The following EEF1A2 variants were observed in gnomAD, a reference collection of about 807,000 sequenced individuals.
The protein encoded by EEF1A2 is elongation factor 1-alpha 2.
Under a neutral mutation model 39.3 loss-of-function variants are expected in EEF1A2, and 5 were observed. The observed-to-expected ratio is 0.13, with a 90% CI of 0.07 to 0.27. The LOEUF is 0.27. Ranked by LOEUF, EEF1A2 falls within the 10% of genes least tolerant of loss-of-function variation. The pLI, the probability that EEF1A2 is intolerant of heterozygous loss-of-function variation, is 1.00. For synonymous variants in EEF1A2, 287 were observed against 293.7 expected, an observed-to-expected ratio of 0.98 and a Z score of 0.23; for missense variants, 218 against 681.4, an observed-to-expected ratio of 0.32 and a Z score of 7.57.
chr20:63,488,542 C>T, intron 7 of EEF1A2, 117 bp from the exon 8 acceptor site: 2 of 1,280,564 alleles, frequency 1.6e-6, no homozygotes, highest in South Asian at 1.8e-5. Flanking sequence ...ACACGCTTAG[C>T]GCAGAGCGCG....
At chr20:63,491,459 C>T (rs961591236) in intron 5 of EEF1A2, among the ~76,000 whole-genome samples, 6 of 152,248 alleles carry the variant, frequency 3.9e-5, no homozygotes, top group African/African-American at 1.4e-4. Flanking sequence ...GCCAACTTCA[C>T]TGAGGCCAGT....
At chr20:63,495,297 G>C (rs549497043) in intron 3 of EEF1A2, among the ~76,000 whole-genome samples, 196 bp from the exon 4 acceptor site, 1 of 152,370 alleles carries the variant, frequency 6.6e-6, no homozygotes, top group South Asian at 2.1e-4. Flanking sequence ...CCCTGGGTCA[G>C]GGGACCGAGG....
intron 6 of EEF1A2, 44 bp downstream of exon 6, chr20:63,490,435 T>C: frequency 1.3e-6 from 2 of 1,581,946 alleles, no homozygotes; most frequent in Non-Finnish European, 1.7e-6. Flanking sequence ...GTCCTGCTGC[T>C]GTCCAGCAGG....
chr20:63,494,967 G>A lies in EEF1A2; in HGVS notation c.459C>T (p.Asn153=), dbSNP rs761190222. The A allele has an allele frequency of 6.8e-6, 11 of 1,612,700 alleles. No homozygotes were observed. In the Admixed American group the frequency reaches 1.0e-4, roughly 15 times the overall value. ...AGGCCGGCTCTGTGGAGTCCATTTT[G>A]TTCACGCCCACGATGAGCTGCTTCA... ...LGVKQLIVGV[N]KMDSTEPAYS... Residue 153 remains asparagine (N), a synonymous_variant, in exon 4 of 8, where the codon AAC becomes AAT. Coordinates refer to ENST00000217182, the MANE Select transcript of EEF1A2 (RefSeq NM_001958.5).
intron 5 of EEF1A2, among the ~76,000 whole-genome samples, chr20:63,492,448 GGATGGATGGATGGATGGATGGAGA>G (rs2082390632): frequency 2.1e-5 from 1 of 48,118 alleles, no homozygotes; most frequent in East Asian, 4.9e-4. Flanking sequence ...TTGAGACAAT[GGATGGATGGATGGATGGATGGAGA>G]GATGGATGGA....
rs976170418 is a variant in EEF1A2 at position 63,498,085 on chromosome 20, C to T, written c.-71-251G>A. The T allele has an allele frequency of 3.2e-5, 8 of 246,210 alleles. No individual in the cohort carries two copies. Among genetic ancestry groups the T allele is most frequent in the Non-Finnish European group, 5.5e-5 (7 of 127,710 alleles). 15.3% of individuals were successfully genotyped at this position (246,210 alleles called of 1,614,324 possible). ...GTAAATAACTGGGCGTTGGAGCCCG[C>T]GGGCTGCTCCTTGGGAAGGGGTTAG... On this transcript the variant is annotated intron_variant, in intron 1 of 7. Transcript: ENST00000217182. The surrounding 1 kb of genome is among the most constrained non-coding windows in gnomAD (Gnocchi z 4.1).
intron 3 of EEF1A2, 96 bp from the exon 4 acceptor site, chr20:63,495,197 C>G (rs1030218187): frequency 8.3e-5 from 125 of 1,508,630 alleles, no homozygotes; most frequent in Non-Finnish European, 1.1e-4. Context: ...CTCCAGGCAG[C>G]GGGCTGGGGC....
chr20:63,497,442 G>T lies in EEF1A2; in HGVS notation c.144+178C>A. On this transcript the variant is annotated intron_variant, in intron 2 of 7. Coordinates refer to ENST00000217182, the MANE Select transcript of EEF1A2 (RefSeq NM_001958.5). This position sits in a 1 kb window ranked among gnomAD's most constrained non-coding sequence, Gnocchi z 7.3. ...CCCTCCCCCACCAAGCTCCCCCTAA[G>T]AGAGAGGCTGCCCCACCAGACCCTC... The T allele has an allele frequency of 1.0e-6, 1 of 993,958 alleles. No homozygotes were observed. Among genetic ancestry groups the T allele is most frequent in the Non-Finnish European group, 1.4e-6 (1 of 706,492 alleles). The allele number at this position is 993,958 out of a possible 1,614,324, so 61.6% of individuals were successfully genotyped here.
chr20:63,492,035 ATGGATGATGGAGGGAAGGATGG>A, intron 5 of EEF1A2, among the ~76,000 whole-genome samples: 1 of 102,786 alleles, frequency 9.7e-6, no homozygotes, highest in Non-Finnish European at 1.9e-5. Context: ...AGATGGATGG[ATGGATGATGGAGGGAAGGATGG>A]CTGGGTGGGG....
chr20:63,494,689 A>AC (rs1300209327), intron 4 of EEF1A2, 116 bp downstream of exon 4: 2 of 1,369,160 alleles, frequency 1.5e-6, no homozygotes, highest in Non-Finnish European at 1.9e-6. Context: ...TTCGAGGGGA[A>AC]CCTGCATTTC....
rs1438872980 is a variant in EEF1A2 at position 63,497,427 on chromosome 20, C to G, written c.144+193G>C. 2.4e-6 allele frequency: 2 copies of G among 824,836 alleles called. No homozygotes were observed. The highest frequency in any genetic ancestry group is 3.5e-6 in the Non-Finnish European group (2 of 574,858). 51.1% of individuals were successfully genotyped at this position (824,836 alleles called of 1,614,324 possible). A position where few individuals can be genotyped will look rare whatever the true frequency, so the allele number is the denominator to read the frequency against. ...CAGCTCGATGGCCACCCCTCCCCCA[C>G]CAAGCTCCCCCTAAGAGAGAGGCTG... On this transcript the variant is annotated intron_variant, in intron 2 of 7. Coordinates refer to ENST00000217182, the MANE Select transcript of EEF1A2 (RefSeq NM_001958.5). The surrounding 1 kb of genome is among the most constrained non-coding windows in gnomAD (Gnocchi z 7.3).
chr20:63,490,016 TCCCCTCGTTGAGTGCTCGGTGGC>T (rs201797175), intron 6 of EEF1A2: 5,721 of 164,884 alleles, frequency 0.035, 142 homozygotes, highest in Non-Finnish European at 0.049. Flanking sequence ...AACTGATTGA[TCCCCTCGTTGAGTGCTCGGTGGC>T]CCCCTCGGTG....
chr20:63,493,037 G>T, intron 5 of EEF1A2, 100 bp downstream of exon 5: 2 of 1,434,786 alleles, frequency 1.4e-6, no homozygotes, highest in Non-Finnish European at 9.3e-7. Flanking sequence ...TAAGGGGAGA[G>T]ATTGGAGACA....
chr20:63,492,876 GGATGGATC>G (rs2082397156), intron 5 of EEF1A2, among the ~76,000 whole-genome samples: 2 of 150,188 alleles, frequency 1.3e-5, no homozygotes, highest in Non-Finnish European at 3.0e-5. Context: ...GTGGGGAGAT[GGATGGATC>G]GATGGATGGA....
rs1184871645 is a variant in EEF1A2, at chr20:63,494,806, T to C, written c.620A>G (p.Asn207Ser). Residue 207 changes from asparagine (N) to serine (S), a missense_variant and splice_region_variant, in exon 4 of 8, where the codon AAC becomes AGC. Coordinates refer to ENST00000217182, the MANE Select transcript of EEF1A2 (RefSeq NM_001958.5). ...HGDNMLEPSP[N>S]MPWFKGWKVE... is the part of the protein sequence containing the mutation. Reference sequence around the variant, plus strand: ...CGCCCCGCCCTAGCCGCCACTCACGTTGGGGGAGGGCTCCAGCATGTTGTC... The same window carrying C: ...CGCCCCGCCCTAGCCGCCACTCACGCTGGGGGAGGGCTCCAGCATGTTGTC... The C allele has an allele frequency of 1.9e-6, 3 of 1,607,956 alleles. No individual in the cohort carries two copies. Among genetic ancestry groups the C allele is most frequent in the Admixed American group, 1.7e-5 (1 of 59,920 alleles).
Position 63,494,809 on chromosome 20 carries a change from G to A in EEF1A2, c.617C>T (p.Pro206Leu), listed in dbSNP as rs1478312220. Residue 206 changes from proline (P) to leucine (L), a missense_variant, in exon 4 of 8, where the codon CCC becomes CTC. Pro to Leu is a moderately conservative substitution (Grantham distance 98). This residue lies in a region of EEF1A2 where 79 missense variants were observed against 172.3 expected (regional missense o/e 0.46). Transcript: ENST00000217182. ...CCCGCCCTAGCCGCCACTCACGTTG[G>A]GGGAGGGCTCCAGCATGTTGTCACC... The part of the protein sequence containing the change: ...WHGDNMLEPS[P>L]NMPWFKGWKV... The A allele has an allele frequency of 2.5e-6, 4 of 1,609,076 alleles. No homozygotes were observed. The South Asian group carries it at 4.4e-5, about 18-fold the overall frequency.
At chr20:63,496,315 G>A (rs912964421) in intron 2 of EEF1A2, 4 of 487,314 alleles carry the variant, frequency 8.2e-6, no homozygotes, top group Non-Finnish European at 1.1e-5. Context: ...CTCGCTCTAC[G>A]AGCGAAGCCG....
intron 4 of EEF1A2, among the ~76,000 whole-genome samples, chr20:63,494,578 C>A (rs573671801): frequency 9.4e-4 from 144 of 152,384 alleles, no homozygotes; most frequent in African/African-American, 3.4e-3. Flanking sequence ...GCCCTGGCCC[C>A]GGCCAGCCGC....
At chr20:63,495,742 G>A in intron 3 of EEF1A2, 114 bp downstream of exon 3, 1 of 1,369,690 alleles carries the variant, frequency 7.3e-7, no homozygotes, top group Non-Finnish European at 9.8e-7. Flanking sequence ...GGGGTCCCCT[G>A]CCCTCACAGG....
Sources: gnomAD v4.1 joint callset for allele counts (sites outside exome capture counted in the v4.1 genomes callset) on GRCh38, gnomAD v4.1.1 for gene constraint, gnomAD v4.1.1 regional missense constraint, Gnocchi (gnomAD v3.1) non-coding constraint, MANE v1.5 for transcripts, NCBI Gene and HGNC (gene_info 2026-07-23, HGNC 2026-07-21) for gene names.